The following CCDC39 variants were observed in gnomAD, a reference collection of about 807,000 sequenced individuals.
CCDC39 encodes the protein coiled-coil domain-containing protein 39.
CCDC39 carries 113 observed loss-of-function variants against 121.0 expected under a neutral mutation model. The ratio of observed to expected loss-of-function variants is 0.93; its 90% CI spans 0.80 to 1.09. The LOEUF is 1.09. Among genes scored for constraint, CCDC39 ranks in the 50% least tolerant of loss-of-function variants. The pLI, the probability that CCDC39 is intolerant of heterozygous loss-of-function variation, is 0.00. For missense variants in CCDC39, 1,063 were observed against 1,074.7 expected (o/e 0.99, Z 0.15); for synonymous variants, 349 against 352.2 (o/e 0.99, Z 0.10).
Position 180,651,542 on chromosome 3 carries a change from G to T in CCDC39, c.1035-9C>A. On this transcript the variant is annotated splice_polypyrimidine_tract_variant and intron_variant, in intron 8 of 19. Coordinates refer to ENST00000476379, the MANE Select transcript of CCDC39 (RefSeq NM_181426.2). ...TTTTAGTTTTTTGTAACCTGAAGAGGGTTTATCACAAAAAGATAGAAAACG... is the reference window on the plus strand; with the variant it reads ...TTTTAGTTTTTTGTAACCTGAAGAGTGTTTATCACAAAAAGATAGAAAACG... The T allele has an allele frequency of 6.7e-7, 1 of 1,496,542 alleles. No homozygotes were observed. 92.7% of individuals were successfully genotyped at this position (1,496,542 alleles called of 1,614,324 possible). A position where few individuals can be genotyped will look rare whatever the true frequency, so the allele number is the denominator to read the frequency against.
rs529533632 is a variant in CCDC39 at position 180,639,860 on chromosome 3, TAGAGAA to T, written c.1874+2127_1874+2132del. 7.6e-4 allele frequency among the ~76,000 whole-genome samples: 116 copies of T among 152,188 alleles called. No individual in the cohort carries two copies. In the Middle Eastern group the frequency reaches 0.02, roughly 27 times the overall value. ...AACTGTAAGTTAGTTATCTAGCTCTTAGAGAAAAAGTGTGTCAACCCCTGACAAAAA... is the reference window on the plus strand; with the variant it reads ...AACTGTAAGTTAGTTATCTAGCTCTTAAAGTGTGTCAACCCCTGACAAAAA... On this transcript the variant is annotated intron_variant, in intron 13 of 19. Coordinates refer to ENST00000476379, the MANE Select transcript of CCDC39 (RefSeq NM_181426.2).
intron 1 of CCDC39, among the ~76,000 whole-genome samples, chr3:180,677,745 G>T (rs139569897): frequency 5.5e-4 from 84 of 151,712 alleles, no homozygotes; most frequent in African/African-American, 1.9e-3. Flanking sequence ...TCTTCTTTCT[G>T]TATATCTGTA....
At chr3:180,619,513 A>G in intron 15 of CCDC39, 148 bp from the exon 16 acceptor site, 1 of 619,958 alleles carries the variant, frequency 1.6e-6, no homozygotes, top group East Asian at 2.8e-5. Context: ...GGCATGTAGT[A>G]GCCATTTCTT....
At chr3:180,664,351 T>C (rs1407103946) in intron 1 of CCDC39, among the ~76,000 whole-genome samples, 1 of 152,176 alleles carries the variant, frequency 6.6e-6, no homozygotes, top group Non-Finnish European at 1.5e-5. Flanking sequence ...GGGCTCTACC[T>C]CTATGACCTG....
At chr3:180,615,192 A>G in intron 19 of CCDC39, 115 bp from the exon 20 acceptor site, 1 of 695,768 alleles carries the variant, frequency 1.4e-6, no homozygotes, top group Non-Finnish European at 2.3e-6. Flanking sequence ...AAAAAAGTAC[A>G]TATTAATAGT....
intron 1 of CCDC39, among the ~76,000 whole-genome samples, chr3:180,675,087 T>C (rs1411836827): frequency 2.6e-5 from 4 of 152,190 alleles, no homozygotes; most frequent in African/African-American, 9.7e-5. Context: ...CTGGTAAAAT[T>C]TGGCTGTGAA....
chr3:180,631,071 T>TA (rs1717680860), intron 14 of CCDC39, among the ~76,000 whole-genome samples: 1 of 152,170 alleles, frequency 6.6e-6, no homozygotes, highest in African/African-American at 2.4e-5. Context: ...TAATAGGTCT[T>TA]AAAAAGATTA....
At chr3:180,656,279 A>G (rs1410193692) in intron 6 of CCDC39, among the ~76,000 whole-genome samples, 1 of 152,214 alleles carries the variant, frequency 6.6e-6, no homozygotes, top group Non-Finnish European at 1.5e-5. Context: ...CATACTTAAT[A>G]GTGCTATGCA....
At chr3:180,676,433 C>A (rs1243273123) in intron 1 of CCDC39, among the ~76,000 whole-genome samples, 2 of 152,032 alleles carry the variant, frequency 1.3e-5, no homozygotes, top group African/African-American at 4.8e-5. Flanking sequence ...CAAATCAAAA[C>A]CACAATGAGA....
intron 1 of CCDC39, among the ~76,000 whole-genome samples, chr3:180,666,182 ACTACT>A (rs1711870945): frequency 6.6e-6 from 1 of 152,088 alleles, no homozygotes; most frequent in Admixed American, 6.6e-5. Context: ...TATGAATTTG[ACTACT>A]CTAGGTACCT....
rs1160000588 is a variant in CCDC39, at chr3:180,616,289, T to C, written c.2661A>G (p.Leu887=). 1 of 1,613,050 alleles carries C rather than the reference T, an allele frequency of 6.2e-7. No individual in the cohort carries two copies. The highest frequency in any genetic ancestry group is 1.3e-5 in the African/African-American group (1 of 74,866). Residue 887 remains leucine, a synonymous_variant, in exon 19 of 20, where the codon CTA becomes CTG. Coordinates refer to ENST00000476379, the MANE Select transcript of CCDC39 (RefSeq NM_181426.2). The stretch of plus-strand genomic sequence containing the variant: ...TTTAACCCTCCGCTTACCTTGCTGA[T>C]AGTGAAGTATGTGAAGGAGATCTAG... The part of the protein sequence containing the change: ...QSSRSPSHTS[L]SARSSRSTST...
At chr3:180,658,122 C>A (rs1711629220) in intron 6 of CCDC39, among the ~76,000 whole-genome samples, 1 of 151,678 alleles carries the variant, frequency 6.6e-6, no homozygotes, top group Non-Finnish European at 1.5e-5. Flanking sequence ...GCCTGTAATC[C>A]CAGCTACTTG....
At chr3:180,631,436 A>G (rs768206221) in intron 14 of CCDC39, 33 bp downstream of exon 14, 8 of 1,556,634 alleles carry the variant, frequency 5.1e-6, no homozygotes, top group South Asian at 2.4e-5. Flanking sequence ...AGAAAATTTC[A>G]TACCATCACA....
chr3:180,615,090 C>T lies in CCDC39; in HGVS notation c.2670-13G>A. On this transcript the variant is annotated splice_polypyrimidine_tract_variant and intron_variant, in intron 19 of 19. Transcript: ENST00000476379. Reference sequence around the variant, plus strand: ...ACTCCTAGATGACCTAGAAGAAAAACCAGAATTATAAATTCAATGCAAAGT... The same window carrying T: ...ACTCCTAGATGACCTAGAAGAAAAATCAGAATTATAAATTCAATGCAAAGT... 1 of 1,509,580 alleles carries T rather than the reference C, an allele frequency of 6.6e-7. No homozygotes were observed. The highest frequency in any genetic ancestry group is 2.5e-5 in the East Asian group (1 of 40,762). The allele number at this position is 1,509,580 out of a possible 1,614,324, so 93.5% of individuals were successfully genotyped here. A position where few individuals can be genotyped will look rare whatever the true frequency, so the allele number is the denominator to read the frequency against.
At chr3:180,653,754 G>T (rs1447826294) in intron 7 of CCDC39, among the ~76,000 whole-genome samples, 1 of 152,124 alleles carries the variant, frequency 6.6e-6, no homozygotes, top group Admixed American at 6.5e-5. Flanking sequence ...ACAGGGGATT[G>T]GTTCCAGGAT....
At chr3:180,641,124 T>C (rs912394632) in intron 13 of CCDC39, among the ~76,000 whole-genome samples, 2 of 152,080 alleles carry the variant, frequency 1.3e-5, no homozygotes, top group African/African-American at 4.8e-5. Context: ...GGTTTGACTT[T>C]GAAAAATTGA....
chr3:180,664,819 C>G (rs929673366), intron 1 of CCDC39, among the ~76,000 whole-genome samples: 1 of 151,380 alleles, frequency 6.6e-6, no homozygotes, highest in Non-Finnish European at 1.5e-5. Flanking sequence ...GTCTCAGCCT[C>G]CTGAGTAGCT....
At chr3:180,625,237 A>G (rs879582499) in intron 14 of CCDC39, among the ~76,000 whole-genome samples, 3 of 147,862 alleles carry the variant, frequency 2.0e-5, no homozygotes, top group Admixed American at 1.3e-4. Context: ...TTTTTTTTTT[A>G]ATTTGTCTGA....
At chr3:180,665,372 T>C (rs1017717703) in intron 1 of CCDC39, among the ~76,000 whole-genome samples, 2 of 152,194 alleles carry the variant, frequency 1.3e-5, no homozygotes, top group Non-Finnish European at 2.9e-5. Flanking sequence ...ATATGCTTTC[T>C]TGAGGTCTGG....
Sources: allele counts gnomAD v4.1 joint callset (sites outside exome capture counted in the v4.1 genomes callset), GRCh38; gene constraint gnomAD v4.1.1; transcripts MANE v1.5; gene names NCBI Gene and HGNC (gene_info 2026-07-23, HGNC 2026-07-21).